Variants in SLC25A12 observed in about 807,000 individuals in gnomAD.
The protein encoded by SLC25A12 is electrogenic aspartate/glutamate antiporter SLC25A12, mitochondrial.
Under a neutral mutation model 83.3 loss-of-function variants are expected in SLC25A12, and 32 were observed. That is an observed-to-expected ratio of 0.38 (90% CI 0.29 to 0.52). The LOEUF is 0.52. Among genes scored for constraint, SLC25A12 ranks in the 20% least tolerant of loss-of-function variants. The pLI is 0.84. For missense variants in SLC25A12, 611 were observed against 835.6 expected (o/e 0.73, Z 3.31); for synonymous variants, 267 against 291.1 (o/e 0.92, Z 0.84).
chr2:171,834,756 C>G lies in SLC25A12; in HGVS notation c.722G>C (p.Gly241Ala). 2.5e-6 allele frequency: 4 copies of G among 1,613,638 alleles called. No individual in the cohort carries two copies. Among genetic ancestry groups the G allele is most frequent in the Non-Finnish European group, 2.5e-6 (3 of 1,179,920 alleles). The change falls in exon 7 of 18, where the codon GGC (glycine) becomes GCC (alanine). Residue 241 changes from glycine to alanine, a missense_variant. Physicochemically the swap from Gly to Ala is moderately conservative, Grantham distance 60. Coordinates refer to ENST00000422440, the MANE Select transcript of SLC25A12 (RefSeq NM_003705.5). The stretch of plus-strand genomic sequence containing the variant: ...TGTGACTTCAACATCTTTCCTTGTG[C>G]CAGCTAGAGTGCTATATATCTTACG... Reference protein sequence around the residue: ...LVRKIYSTLAGTRKDVEVTKE... With the variant: ...LVRKIYSTLAATRKDVEVTKE...
In SLC25A12 at chr2:171,870,610, G is replaced by C. The variant is rs543777424; in HGVS notation, c.67-1787C>G. On this transcript the variant is annotated intron_variant, in intron 2 of 17. Coordinates refer to ENST00000422440, the MANE Select transcript of SLC25A12 (RefSeq NM_003705.5). ...TACTCCAGCCTGGGCAACAGAGCAA[G>C]ACCCTGTTTCAAAAAAAAATAAAAT... 2.0e-5 allele frequency among the ~76,000 whole-genome samples: 3 copies of C among 152,202 alleles called. No homozygotes were observed. The South Asian group carries it at 6.2e-4, about 32-fold the overall frequency.
rs967722800 is a variant in SLC25A12 at position 171,874,318 on chromosome 2, G to C, written c.67-5495C>G. 5.3e-5 allele frequency among the ~76,000 whole-genome samples: 8 copies of C among 152,290 alleles called. No homozygotes were observed. The East Asian group carries it at 1.5e-3, about 29-fold the overall frequency. ...GAGACAAGAGAACCTCTTGAACCCG[G>C]GAGGCAGAGGTTGCAGTGAGCCGAG... On this transcript the variant is annotated intron_variant, in intron 2 of 17. Coordinates refer to ENST00000422440, the MANE Select transcript of SLC25A12 (RefSeq NM_003705.5).
chr2:171,863,291 C>G (rs556108773), intron 3 of SLC25A12, among the ~76,000 whole-genome samples: 3 of 152,000 alleles, frequency 2.0e-5, no homozygotes, highest in Non-Finnish European at 4.4e-5. Context: ...TTTGGGAGAC[C>G]GAGGCGGGCA....
intron 4 of SLC25A12, among the ~76,000 whole-genome samples, chr2:171,850,466 C>G (rs1053516844): frequency 6.6e-6 from 1 of 151,630 alleles, no homozygotes; most frequent in Non-Finnish European, 1.5e-5. Context: ...CTGCCTCAGC[C>G]TCCCAAGTAG....
intron 5 of SLC25A12, 97 bp from the exon 6 acceptor site, chr2:171,837,364 G>A (rs1454417661): frequency 3.9e-6 from 5 of 1,278,298 alleles, no homozygotes; most frequent in East Asian, 2.3e-5. Flanking sequence ...TCCCACACAT[G>A]TACTTACTAC....
chr2:171,797,335 C>T (rs369781167), intron 13 of SLC25A12, among the ~76,000 whole-genome samples: 5 of 152,076 alleles, frequency 3.3e-5, no homozygotes, highest in Admixed American at 3.3e-4. Flanking sequence ...AATAAAATCA[C>T]GCCAAATGAC....
At chr2:171,841,358 G>A (rs1259137838) in intron 5 of SLC25A12, among the ~76,000 whole-genome samples, 7 of 152,006 alleles carry the variant, frequency 4.6e-5, no homozygotes, top group Admixed American at 4.6e-4. Context: ...GGGATTACAG[G>A]CGTGAGCCAA....
rs962234963 is a variant in SLC25A12, at chr2:171,893,279, A to G, written c.13-21T>C. ...TGCACCTGTAAGCAAAAAAGAAAAA[A>G]AAGCCAGTTAATGCTTCACTAGAGA... On this transcript the variant is annotated intron_variant, in intron 1 of 17. Transcript: ENST00000422440. 4.3e-6 allele frequency: 7 copies of G among 1,611,882 alleles called. No homozygotes were observed. The African/African-American group carries it at 8.0e-5, about 18-fold the overall frequency.
rs186955788 is a variant in SLC25A12, at chr2:171,847,237, C to T, written c.326-2729G>A. On this transcript the variant is annotated intron_variant, in intron 4 of 17. Transcript: ENST00000422440. ...TCTGGAGATGTATTCTACTTCTCTT[C>T]TGTTATCATTGTTTCTACTACCAAG... 4.0e-3 allele frequency among the ~76,000 whole-genome samples: 611 copies of T among 151,914 alleles called. 3 individuals carry two copies. The highest frequency in any genetic ancestry group is 0.012 in the African/African-American group (489 of 41,548).
chr2:171,801,976 GA>G (rs1683717889), intron 13 of SLC25A12, among the ~76,000 whole-genome samples: 1 of 148,880 alleles, frequency 6.7e-6, no homozygotes, highest in Non-Finnish European at 1.5e-5. Context: ...TTTTCTAATA[GA>G]AAAATAAACA....
chr2:171,863,030 G>T (rs1309088722), intron 3 of SLC25A12, among the ~76,000 whole-genome samples: 1 of 152,062 alleles, frequency 6.6e-6, no homozygotes, highest in Non-Finnish European at 1.5e-5. Context: ...CTCCCAAGTA[G>T]CTAAGGCTAT....
intron 10 of SLC25A12, among the ~76,000 whole-genome samples, chr2:171,814,235 T>C (rs1253771247): frequency 1.3e-5 from 2 of 152,184 alleles, no homozygotes; most frequent in Non-Finnish European, 2.9e-5. Context: ...TGCTAGCTTC[T>C]TCTCAACAAA....
At chr2:171,858,305 T>C (rs1196282211) in intron 3 of SLC25A12, among the ~76,000 whole-genome samples, 1 of 152,206 alleles carries the variant, frequency 6.6e-6, no homozygotes, top group African/African-American at 2.4e-5. Flanking sequence ...TAGTGTATTT[T>C]TCATGCAATT....
chr2:171,847,965 C>G (rs933829188), intron 4 of SLC25A12, among the ~76,000 whole-genome samples: 7 of 152,192 alleles, frequency 4.6e-5, no homozygotes, highest in Admixed American at 2.0e-4. Flanking sequence ...TAACATTAGT[C>G]AGTTTAGCTG....
chr2:171,823,887 C>A (rs1268324542), intron 9 of SLC25A12, among the ~76,000 whole-genome samples: 1 of 151,192 alleles, frequency 6.6e-6, no homozygotes, highest in Admixed American at 6.6e-5. Context: ...CCGGGGAGGT[C>A]AGGACTGCAG....
intron 5 of SLC25A12, among the ~76,000 whole-genome samples, chr2:171,838,593 C>A (rs78894991): frequency 0.017 from 2,566 of 152,238 alleles, 85 homozygotes; most frequent in African/African-American, 0.059. Flanking sequence ...ACAATTTAGC[C>A]TTATTAATAA....
Position 171,884,518 on chromosome 2 carries a change from C to T in SLC25A12, c.66+8687G>A, listed in dbSNP as rs146571803. Among the ~76,000 whole-genome samples the T allele has an allele frequency of 8.2e-3, 1,250 of 151,598 alleles. 8 individuals are homozygous for T. The highest frequency in any genetic ancestry group is 0.023 in the African/African-American group (938 of 41,314). On this transcript the variant is annotated intron_variant, in intron 2 of 17. Coordinates refer to ENST00000422440, the MANE Select transcript of SLC25A12 (RefSeq NM_003705.5). ...CGGATGGTGGCTCTCATCTGTAATCCCAGCACTTTGGGAGGCCGAGGCAGG... is the reference window on the plus strand; with the variant it reads ...CGGATGGTGGCTCTCATCTGTAATCTCAGCACTTTGGGAGGCCGAGGCAGG...
At chr2:171,886,790 A>T (rs180762245) in intron 2 of SLC25A12, among the ~76,000 whole-genome samples, 2 of 152,150 alleles carry the variant, frequency 1.3e-5, no homozygotes, top group Non-Finnish European at 2.9e-5. Flanking sequence ...GATTACAGGC[A>T]TGAGCCACCA....
chr2:171,798,431 T>C (rs1468416140), intron 13 of SLC25A12, among the ~76,000 whole-genome samples: 1 of 152,230 alleles, frequency 6.6e-6, no homozygotes, highest in Non-Finnish European at 1.5e-5. Flanking sequence ...TTGTCTCCTA[T>C]AGATTGAAAT....
Sources: gnomAD v4.1 joint callset for allele counts (sites outside exome capture counted in the v4.1 genomes callset) on GRCh38, gnomAD v4.1.1 for gene constraint, MANE v1.5 for transcripts, NCBI Gene and HGNC (gene_info 2026-07-23, HGNC 2026-07-21) for gene names.